TSPEAR: variants seen among roughly 807,000 people sequenced by gnomAD.
The protein encoded by TSPEAR is thrombospondin-type laminin G domain and EAR repeat-containing protein.
TSPEAR carries 69 observed loss-of-function variants against 71.6 expected under a neutral mutation model. That is an observed-to-expected ratio of 0.96 (90% CI 0.79 to 1.18). The LOEUF (loss-of-function observed/expected upper bound fraction) is 1.18, where lower values mean the gene tolerates loss of function less well. Among genes scored for constraint, TSPEAR ranks in the 50% most tolerant of loss-of-function variants. The pLI, the probability that TSPEAR is intolerant of heterozygous loss-of-function variation, is 0.00. For synonymous variants in TSPEAR, 402 were observed against 387.2 expected (o/e 1.04, Z -0.45); for missense variants, 971 against 894.9 (o/e 1.09, Z -1.09).
intron 3 of TSPEAR, among the ~76,000 whole-genome samples, chr21:44,532,526 G>A (rs782025712): frequency 6.6e-6 from 1 of 152,182 alleles, no homozygotes; most frequent in African/African-American, 2.4e-5. Flanking sequence ...TGGGAGAGAG[G>A]CTCTGATAAA....
intron 2 of TSPEAR, chr21:44,557,877 T>G: frequency 1.3e-6 from 1 of 754,078 alleles, no homozygotes; most frequent in Non-Finnish European, 2.1e-6. Flanking sequence ...AGCATGGAGA[T>G]GAGGGTGTGG....
At chr21:44,501,898 G>A (rs2052039489) in intron 11 of TSPEAR, among the ~76,000 whole-genome samples, 1 of 152,228 alleles carries the variant, frequency 6.6e-6, no homozygotes, top group Non-Finnish European at 1.5e-5. Flanking sequence ...GTCCACAGGT[G>A]CAGTTAGAAA....
At chr21:44,600,878 C>T (rs1232134213) in intron 1 of TSPEAR, 8 of 1,611,126 alleles carry the variant, frequency 5.0e-6, no homozygotes, top group East Asian at 2.2e-5. Flanking sequence ...AGCTCCTGCA[C>T]GCCCTCGTGC....
intron 1 of TSPEAR, chr21:44,637,751 C>A (rs1404466696): frequency 6.7e-6 from 9 of 1,338,156 alleles, no homozygotes; most frequent in Non-Finnish European, 6.1e-6. Context: ...CTGTAACAAG[C>A]CTGTGTGCTT....
In TSPEAR at chr21:44,512,686, C is replaced by T. The variant is rs1007752755; in HGVS notation, c.1567-3300G>A. Among the ~76,000 whole-genome samples the T allele has an allele frequency of 2.6e-5, 4 of 152,210 alleles. No homozygotes were observed. In the South Asian group the frequency reaches 6.2e-4, roughly 24 times the overall value. Reference sequence around the variant, plus strand: ...CTGCCTCCAGGGCAGGGATTGTGCCCACGTTTCATGGGGTGGCAGGGAGCA... The same window carrying T: ...CTGCCTCCAGGGCAGGGATTGTGCCTACGTTTCATGGGGTGGCAGGGAGCA... On this transcript the variant is annotated intron_variant, in intron 9 of 11. Coordinates refer to ENST00000323084, the MANE Select transcript of TSPEAR (RefSeq NM_144991.3).
chr21:44,508,773 C>T (rs1050150486), intron 10 of TSPEAR: 115 of 1,291,096 alleles, frequency 8.9e-5, no homozygotes, highest in Middle Eastern at 2.5e-4. Context: ...GATGCAACAT[C>T]GGGGGAAGGA....
chr21:44,705,802 C>G (rs1393531607), intron 1 of TSPEAR, among the ~76,000 whole-genome samples: 2 of 152,186 alleles, frequency 1.3e-5, no homozygotes, highest in Non-Finnish European at 2.9e-5. Flanking sequence ...CCTGTGATCT[C>G]GCCCTGCCTC....
At chr21:44,604,106 G>T (rs781859620) in intron 1 of TSPEAR, among the ~76,000 whole-genome samples, 2 of 152,218 alleles carry the variant, frequency 1.3e-5, no homozygotes, top group Non-Finnish European at 2.9e-5. Context: ...GCCACAGGTT[G>T]TGGGAGCCCT....
intron 1 of TSPEAR, among the ~76,000 whole-genome samples, chr21:44,650,009 C>T (rs1020413197): frequency 6.6e-6 from 1 of 152,144 alleles, no homozygotes; most frequent in Non-Finnish European, 1.5e-5. Context: ...ACCACTCGAG[C>T]CCAGGAGTTC....
chr21:44,529,565 G>A (rs2052924680), intron 5 of TSPEAR, among the ~76,000 whole-genome samples: 1 of 152,190 alleles, frequency 6.6e-6, no homozygotes, highest in Non-Finnish European at 1.5e-5. Flanking sequence ...TGTCGTGGGA[G>A]TGCTTGGAGG....
In TSPEAR at chr21:44,574,981, G is replaced by A. The variant is rs375447134; in HGVS notation, c.83-6976C>T. On this transcript the variant is annotated intron_variant, in intron 1 of 11. Transcript: ENST00000323084. The stretch of plus-strand genomic sequence containing the variant: ...CTCCTCTGACGCCCCGTGTGCTCCC[G>A]CCCAGCCTGCTGAGGCCTCCGCTCA... 3.0e-4 allele frequency: 486 copies of A among 1,611,230 alleles called. 1 individual carries two copies. Among genetic ancestry groups the A allele is most frequent in the Middle Eastern group, 1.9e-3 (11 of 5,944 alleles).
chr21:44,637,480 C>T (rs1983670930), intron 1 of TSPEAR: 1 of 1,613,316 alleles, frequency 6.2e-7, no homozygotes, highest in African/African-American at 1.3e-5. Context: ...GGGTAGTCGA[C>T]TGCCCAGAGA....
chr21:44,679,283 C>A (rs1986468154), intron 1 of TSPEAR, among the ~76,000 whole-genome samples: 1 of 152,162 alleles, frequency 6.6e-6, no homozygotes. Flanking sequence ...CCATGGAACA[C>A]AATCTCATTC....
chr21:44,632,336 G>A (rs925746230), intron 1 of TSPEAR, among the ~76,000 whole-genome samples: 3 of 138,060 alleles, frequency 2.2e-5, no homozygotes, highest in African/African-American at 8.0e-5. Flanking sequence ...ATGGGATGAT[G>A]TACTTAAAGT....
rs782638430 is a variant in TSPEAR at position 44,522,069 on chromosome 21, C to T, written c.1380G>A (p.Pro460=). ...GGTTGGCCTCGAAGAGCCGGGTTGC[C>T]GGGTTCCACTTGTAGATGACACTGT... is the stretch of plus-strand genomic sequence containing the variant. ...NIDSVIYKWN[P]ATRLFEANQT... The change falls in exon 9 of 12, where the codon CCG becomes CCA. Residue 460 remains proline, a synonymous_variant. Transcript: ENST00000323084. The T allele has an allele frequency of 2.2e-5, 35 of 1,613,974 alleles. No homozygotes were observed. The highest frequency in any genetic ancestry group is 4.5e-5 in the East Asian group (2 of 44,884).
In TSPEAR at chr21:44,539,679, CAG is replaced by C. The variant is rs782753799; in HGVS notation, c.304-5758_304-5757del. 2.9e-5 allele frequency: 46 copies of C among 1,589,124 alleles called. No homozygotes were observed. In the South Asian group the frequency reaches 2.9e-4, roughly 10 times the overall value. ...TGCTGGCAGCATGAAGAGGAATCCTCAGAGCAGGTGGGCACATAGCACACAGG... is the reference window on the plus strand; with the variant it reads ...TGCTGGCAGCATGAAGAGGAATCCTCAGCAGGTGGGCACATAGCACACAGG... On this transcript the variant is annotated intron_variant, in intron 2 of 11. Transcript: ENST00000323084.
chr21:44,516,817 T>G (rs587683763), intron 9 of TSPEAR, among the ~76,000 whole-genome samples: 3 of 152,324 alleles, frequency 2.0e-5, no homozygotes, highest in African/African-American at 7.2e-5. Context: ...GTGATCTATG[T>G]ACGCTGCTTT....
At chr21:44,603,307 G>C (rs1199910262) in intron 1 of TSPEAR, among the ~76,000 whole-genome samples, 1 of 152,148 alleles carries the variant, frequency 6.6e-6, no homozygotes, top group East Asian at 1.9e-4. Context: ...CTGGCACCAG[G>C]GCTACACCCT....
chr21:44,535,926 A>T (rs1555916335), intron 2 of TSPEAR, among the ~76,000 whole-genome samples: 1 of 152,026 alleles, frequency 6.6e-6, no homozygotes, highest in Non-Finnish European at 1.5e-5. Flanking sequence ...AAGAAAAAAA[A>T]AAACTATCTA....
Sources: gnomAD v4.1 joint callset for allele counts (sites outside exome capture counted in the v4.1 genomes callset) on GRCh38, gnomAD v4.1.1 for gene constraint, MANE v1.5 for transcripts, NCBI Gene and HGNC (gene_info 2026-07-23, HGNC 2026-07-21) for gene names.